MALT1: variants seen among roughly 807,000 people sequenced by gnomAD.
The protein encoded by MALT1 is MALT1 paracaspase, also known as mucosa-associated lymphoid tissue lymphoma translocation protein 1.
MALT1 carries 36 observed loss-of-function variants against 85.5 expected under a neutral mutation model. That is an observed-to-expected ratio of 0.42 (90% CI 0.32 to 0.56). The LOEUF is 0.56. MALT1 is among the 20% of genes least tolerant of loss of function. The probability of loss-of-function intolerance (pLI) is 0.10; values close to 1 mark genes in which losing one functional copy is unlikely to be tolerated. For missense variants in MALT1, 716 were observed against 981.6 expected (o/e 0.73, Z 3.62); for synonymous variants, 359 against 361.3 (o/e 0.99, Z 0.07).
chr18:58,723,633 T>C (rs2055014687), intron 10 of MALT1, among the ~76,000 whole-genome samples: 1 of 152,220 alleles, frequency 6.6e-6, no homozygotes, highest in African/African-American at 2.4e-5. Context: ...TAAAAGGTTC[T>C]AGTAGAATGT....
At chr18:58,724,859 A>G (rs899188719) in intron 10 of MALT1, among the ~76,000 whole-genome samples, 10 of 152,006 alleles carry the variant, frequency 6.6e-5, no homozygotes. Context: ...AAATACAAAA[A>G]TTGGGCCGGA....
chr18:58,700,718 C>G (rs1602300776), intron 4 of MALT1, 127 bp downstream of exon 4: 1 of 695,464 alleles, frequency 1.4e-6, no homozygotes, highest in Non-Finnish European at 2.2e-6. Context: ...GGTACTTCAT[C>G]CATTATAATG....
chr18:58,733,864 C>G (rs1351086934), intron 11 of MALT1: 1 of 1,179,432 alleles, frequency 8.5e-7, no homozygotes, highest in East Asian at 4.6e-5. Context: ...TTAATAATCA[C>G]TATAGTTATT....
intron 16 of MALT1, among the ~76,000 whole-genome samples, chr18:58,747,081 T>C (rs918164232): frequency 6.6e-6 from 1 of 152,190 alleles, no homozygotes; most frequent in Non-Finnish European, 1.5e-5. Context: ...TAGGGAAGGG[T>C]AAGTTTCCTA....
At chr18:58,699,947 C>G (rs1372670051) in intron 3 of MALT1, among the ~76,000 whole-genome samples, 1 of 152,204 alleles carries the variant, frequency 6.6e-6, no homozygotes, top group East Asian at 1.9e-4. Context: ...GGAGTTTATC[C>G]TCTTACAGAA....
Position 58,744,418 on chromosome 18 carries a change from A to G in MALT1, c.1834A>G (p.Met612Val). The stretch of plus-strand genomic sequence containing the variant: ...ATTTGCAGCTGAGTTTTCCAATGTC[A>G]TGATCATCTATACAAGTATAGTTTA... ...LGFAAEFSNV[M>V]IIYTSIVYKP... is the part of the protein sequence containing the mutation. The change falls in exon 15 of 17, where the codon ATG (methionine) becomes GTG (valine). Residue 612 changes from methionine (M) to valine (V), a missense_variant. Coordinates refer to ENST00000649217, the MANE Select transcript of MALT1 (RefSeq NM_006785.4). 2 of 1,609,604 alleles carry G rather than the reference A, an allele frequency of 1.2e-6. No individual in the cohort carries two copies. The highest frequency in any genetic ancestry group is 1.7e-6 in the Non-Finnish European group (2 of 1,176,712).
Position 58,750,479 on chromosome 18 carries a change from C to A in MALT1, c.*2637C>A, listed in dbSNP as rs764748725. The A allele has an allele frequency of 1.3e-4, 20 of 152,144 alleles. No individual in the cohort carries two copies. Among genetic ancestry groups the A allele is most frequent in the Non-Finnish European group, 1.6e-4 (11 of 68,016 alleles). 9.4% of individuals were successfully genotyped at this position (152,144 alleles called of 1,614,324 possible). A position where few individuals can be genotyped will look rare whatever the true frequency, so the allele number is the denominator to read the frequency against. ...AAAAGAACAAAGTTGGAAGACGTAC[C>A]AATTTCAAAAAGTGCTACCAAGCTA... On this transcript the variant is annotated 3_prime_UTR_variant, in exon 17 of 17. Transcript: ENST00000649217.
chr18:58,679,973 C>T (rs1435406020), intron 1 of MALT1, among the ~76,000 whole-genome samples: 1 of 151,942 alleles, frequency 6.6e-6, no homozygotes, highest in Non-Finnish European at 1.5e-5. Flanking sequence ...TGCTTGAGCC[C>T]AGGAGTTTGA....
At chr18:58,721,846 G>C (rs749828273) in intron 9 of MALT1, among the ~76,000 whole-genome samples, 20 of 152,128 alleles carry the variant, frequency 1.3e-4, no homozygotes, top group Non-Finnish European at 2.5e-4. Context: ...AAACTACTTA[G>C]CAGCACTTTG....
At chr18:58,680,664 A>T (rs545044887) in intron 1 of MALT1, among the ~76,000 whole-genome samples, 2 of 152,162 alleles carry the variant, frequency 1.3e-5, no homozygotes, top group Non-Finnish European at 2.9e-5. Flanking sequence ...TCCTGATTTA[A>T]TAATCATGGG....
chr18:58,740,686 A>G (rs2055289639), intron 13 of MALT1, among the ~76,000 whole-genome samples: 1 of 152,150 alleles, frequency 6.6e-6, no homozygotes. Flanking sequence ...CAAGTAAAAG[A>G]TGAAATTTTG....
rs1233740632 is a variant in MALT1, at chr18:58,685,985, T to C, written c.376+4649T>C. Among the ~76,000 whole-genome samples, 5 of 152,158 alleles carry C rather than the reference T, an allele frequency of 3.3e-5. No homozygotes were observed. The East Asian group carries it at 7.7e-4, about 23-fold the overall frequency. The stretch of plus-strand genomic sequence containing the variant: ...CAACCAATATTGACATCTGTATAGA[T>C]AGACTTAGATGTGTAGTTCAAGGTG... On this transcript the variant is annotated intron_variant, in intron 2 of 16. Coordinates refer to ENST00000649217, the MANE Select transcript of MALT1 (RefSeq NM_006785.4).
chr18:58,688,514 A>G (rs1250397680), intron 2 of MALT1, among the ~76,000 whole-genome samples: 13 of 146,732 alleles, frequency 8.9e-5, no homozygotes, highest in Non-Finnish European at 1.5e-5. Flanking sequence ...AACCTGGGCA[A>G]CATAATGAGG....
At chr18:58,741,207 G>A (rs1048153889) in intron 13 of MALT1, among the ~76,000 whole-genome samples, 2 of 151,632 alleles carry the variant, frequency 1.3e-5, no homozygotes, top group Admixed American at 1.3e-4. Flanking sequence ...TGATAATCTT[G>A]GTCTTTTAAT....
intron 10 of MALT1, among the ~76,000 whole-genome samples, chr18:58,732,984 T>C (rs776956294): frequency 5.9e-5 from 9 of 151,952 alleles, no homozygotes; most frequent in African/African-American, 1.5e-4. Context: ...GATCTCAGCT[T>C]ACAGCAATCT....
In MALT1 at chr18:58,681,006, T is replaced by G. The variant is rs550852619; in HGVS notation, c.210-164T>G. Among the ~76,000 whole-genome samples the G allele has an allele frequency of 4.0e-5, 6 of 150,674 alleles. No individual in the cohort carries two copies. The South Asian group carries it at 1.3e-3, about 32-fold the overall frequency. ...GGGAATAAAGAGGAATTCCCCGTGA[T>G]GAAAGAGGAGGAAAGGATACTCGCA... On this transcript the variant is annotated intron_variant, in intron 1 of 16. Coordinates refer to ENST00000649217, the MANE Select transcript of MALT1 (RefSeq NM_006785.4).
intron 2 of MALT1, among the ~76,000 whole-genome samples, chr18:58,694,341 G>A (rs2054557041): frequency 6.6e-6 from 1 of 151,944 alleles, no homozygotes; most frequent in Non-Finnish European, 1.5e-5. Context: ...TTTTTTCCTA[G>A]AAAGTTTAGT....
intron 1 of MALT1, among the ~76,000 whole-genome samples, chr18:58,677,282 T>C (rs541000336): frequency 1.3e-5 from 2 of 152,092 alleles, no homozygotes; most frequent in South Asian, 4.1e-4. Context: ...TTTGTTCTTT[T>C]GGGGGGGAAG....
chr18:58,697,911 G>A (rs975758882), intron 3 of MALT1, among the ~76,000 whole-genome samples: 3 of 152,186 alleles, frequency 2.0e-5, no homozygotes, highest in Non-Finnish European at 1.5e-5. Context: ...CGCCAGTGGG[G>A]ACAGAGCAAG....
Sources: gnomAD v4.1 joint callset for allele counts (sites outside exome capture counted in the v4.1 genomes callset) on GRCh38, gnomAD v4.1.1 for gene constraint, MANE v1.5 for transcripts, NCBI Gene and HGNC (gene_info 2026-07-23, HGNC 2026-07-21) for gene names.